Variants in GRIN2A observed in about 807,000 individuals in gnomAD.
The protein encoded by GRIN2A is glutamate ionotropic receptor NMDA type subunit 2A.
Under a neutral mutation model 113.4 loss-of-function variants are expected in GRIN2A, and 22 were observed. The ratio of observed to expected loss-of-function variants is 0.19; its 90% CI spans 0.14 to 0.28. The LOEUF is 0.28. GRIN2A is among the 10% of genes least tolerant of loss of function. The pLI, the probability that GRIN2A is intolerant of heterozygous loss-of-function variation, is 1.00. For synonymous variants in GRIN2A, 827 were observed against 738.4 expected (o/e 1.12, Z -1.94); for missense variants, 1,502 against 1,887.0 (o/e 0.80, Z 3.78).
intron 11 of GRIN2A, among the ~76,000 whole-genome samples, chr16:9,796,053 G>T (rs1902962382): frequency 6.6e-6 from 1 of 152,128 alleles, no homozygotes; most frequent in African/African-American, 2.4e-5. Flanking sequence ...ACCTCATAAG[G>T]TTACGAAGAT....
At chr16:10,140,908 T>C (rs1315483666) in intron 2 of GRIN2A, among the ~76,000 whole-genome samples, 1 of 152,150 alleles carries the variant, frequency 6.6e-6, no homozygotes, top group Admixed American at 6.5e-5. Flanking sequence ...ATAAAGTCAA[T>C]ACAGGCTGGG....
intron 2 of GRIN2A, among the ~76,000 whole-genome samples, chr16:10,000,710 G>A (rs978751645): frequency 5.3e-5 from 8 of 152,118 alleles, no homozygotes; most frequent in Non-Finnish European, 1.0e-4. Context: ...TGCTTCTTTG[G>A]TTTTGGACAG....
intron 4 of GRIN2A, among the ~76,000 whole-genome samples, chr16:9,870,799 G>C (rs1045223643): frequency 1.3e-5 from 2 of 151,996 alleles, no homozygotes; most frequent in Non-Finnish European, 2.9e-5. Context: ...TGCCATGCCT[G>C]GCTAATTTTT....
At chr16:9,937,463 T>C (rs2141627522) in intron 3 of GRIN2A, among the ~76,000 whole-genome samples, 1 of 152,322 alleles carries the variant, frequency 6.6e-6, no homozygotes, top group African/African-American at 2.4e-5. Context: ...AAACATCTCA[T>C]GTACCCCATA....
intron 3 of GRIN2A, among the ~76,000 whole-genome samples, chr16:9,893,038 A>C (rs2043728801): frequency 6.6e-6 from 1 of 151,900 alleles, no homozygotes; most frequent in Non-Finnish European, 1.5e-5. Context: ...CTGGACCAGC[A>C]TGGTGCAGAA....
At chr16:9,777,307 G>A (rs1381114208) in intron 11 of GRIN2A, among the ~76,000 whole-genome samples, 1 of 152,130 alleles carries the variant, frequency 6.6e-6, no homozygotes, top group Admixed American at 6.5e-5. Flanking sequence ...TAAGACCCAA[G>A]TAACCCTGGG....
chr16:10,003,978 T>TAAGAA (rs1479381089), intron 2 of GRIN2A, among the ~76,000 whole-genome samples: 1 of 152,046 alleles, frequency 6.6e-6, no homozygotes, highest in African/African-American at 2.4e-5. Flanking sequence ...TGGAAAAGGG[T>TAAGAA]AAGAAGGTTG....
intron 11 of GRIN2A, among the ~76,000 whole-genome samples, chr16:9,792,002 A>G (rs904564379): frequency 6.6e-6 from 1 of 152,048 alleles, no homozygotes. Context: ...TCTGTTAACA[A>G]TCTAGATGAG....
In GRIN2A at chr16:9,757,482, T is replaced by G. The variant is rs903667299; in HGVS notation, c.*5667A>C. On this transcript the variant is annotated 3_prime_UTR_variant, in exon 13 of 13. Coordinates refer to ENST00000330684, the MANE Select transcript of GRIN2A (RefSeq NM_001134407.3). ...TCTCTGTTTGCATTGCATGGGTCCT[T>G]GGTTATCCTTTGTATTAGAGAACTG... is the stretch of plus-strand genomic sequence containing the variant. The G allele has an allele frequency of 1.3e-4, 29 of 229,868 alleles. No homozygotes were observed. Among genetic ancestry groups the G allele is most frequent in the African/African-American group, 6.0e-4 (27 of 45,264 alleles). The allele number at this position is 229,868 out of a possible 1,614,324, so 14.2% of individuals were successfully genotyped here.
In GRIN2A at chr16:9,841,086, C is replaced by T. The variant is rs2042669518; in HGVS notation, c.1347G>A (p.Gly449=). The change falls in exon 6 of 13, where the codon GGG becomes GGA. Residue 449 remains glycine (G), a synonymous_variant. Coordinates refer to ENST00000330684, the MANE Select transcript of GRIN2A (RefSeq NM_001134407.3). ...FVKINNSTNE[G]MNVKKCCKGF... ...CCTTGCAGCATTTCTTCACATTCATCCCCTCATTGGTTGAATTGCTGTAAA... is the reference window on the plus strand; with the variant it reads ...CCTTGCAGCATTTCTTCACATTCATTCCCTCATTGGTTGAATTGCTGTAAA... 3.7e-6 allele frequency: 6 copies of T among 1,613,590 alleles called. No individual in the cohort carries two copies. The highest frequency in any genetic ancestry group is 5.1e-6 in the Non-Finnish European group (6 of 1,179,724).
chr16:9,784,108 C>T (rs934794259), intron 11 of GRIN2A, among the ~76,000 whole-genome samples: 16 of 151,996 alleles, frequency 1.1e-4, no homozygotes, highest in Non-Finnish European at 4.4e-5. Context: ...GTACATGTAC[C>T]CATGAACTTC....
At chr16:9,914,239 C>A (rs576245480) in intron 3 of GRIN2A, among the ~76,000 whole-genome samples, 2 of 152,116 alleles carry the variant, frequency 1.3e-5, no homozygotes, top group African/African-American at 2.4e-5. Flanking sequence ...TGGACAAAAA[C>A]ACCTAGGAAG....
At chr16:10,039,610 G>C (rs986611688) in intron 2 of GRIN2A, among the ~76,000 whole-genome samples, 1 of 151,872 alleles carries the variant, frequency 6.6e-6, no homozygotes, top group Non-Finnish European at 1.5e-5. Context: ...GACCGGTGGC[G>C]TTGGGCGCGG....
intron 11 of GRIN2A, among the ~76,000 whole-genome samples, chr16:9,792,409 A>G (rs752860575): frequency 6.6e-6 from 1 of 152,208 alleles, no homozygotes; most frequent in Non-Finnish European, 1.5e-5. Flanking sequence ...TTTTTTGTAG[A>G]GATGGGTTTT....
chr16:9,830,067 A>G (rs147465688), intron 8 of GRIN2A, among the ~76,000 whole-genome samples: 8 of 152,348 alleles, frequency 5.3e-5, no homozygotes, highest in African/African-American at 1.9e-4. Flanking sequence ...ATCGTATAAG[A>G]ACCATGCAAT....
chr16:10,106,418 A>G (rs574084026), intron 2 of GRIN2A, among the ~76,000 whole-genome samples: 1 of 152,162 alleles, frequency 6.6e-6, no homozygotes, highest in East Asian at 1.9e-4. Flanking sequence ...TTTAATTTAA[A>G]AAAATTTACA....
Position 9,805,240 on chromosome 16 carries a change from C to T in GRIN2A, c.2169-6776G>A, listed in dbSNP as rs752331821. 5.9e-5 allele frequency among the ~76,000 whole-genome samples: 9 copies of T among 152,150 alleles called. No individual in the cohort carries two copies. The East Asian group carries it at 7.7e-4, about 13-fold the overall frequency. Reference sequence around the variant, plus strand: ...TTGACATTTCCTAATCAAAAGTTTCCGGTTTTAGCTCATCATCTTCTTATG... The same window carrying T: ...TTGACATTTCCTAATCAAAAGTTTCTGGTTTTAGCTCATCATCTTCTTATG... On this transcript the variant is annotated intron_variant, in intron 10 of 12. Transcript: ENST00000330684.
chr16:9,781,169 A>T (rs1382278460), intron 11 of GRIN2A, among the ~76,000 whole-genome samples: 1 of 152,162 alleles, frequency 6.6e-6, no homozygotes, highest in Non-Finnish European at 1.5e-5. Flanking sequence ...AAAAACATGT[A>T]ATGGGCCATA....
At chr16:10,082,867 C>G (rs2048010165) in intron 2 of GRIN2A, among the ~76,000 whole-genome samples, 1 of 152,196 alleles carries the variant, frequency 6.6e-6, no homozygotes, top group Admixed American at 6.5e-5. Flanking sequence ...AGACATTCTC[C>G]CACATGGGCT....
Sources: gnomAD v4.1 joint callset for allele counts (sites outside exome capture counted in the v4.1 genomes callset) on GRCh38, gnomAD v4.1.1 for gene constraint, MANE v1.5 for transcripts, NCBI Gene and HGNC (gene_info 2026-07-23, HGNC 2026-07-21) for gene names.